PKP4: variants seen among roughly 807,000 people sequenced by gnomAD.
PKP4 encodes the protein plakophilin-4.
PKP4 carries 90 observed loss-of-function variants against 145.1 expected under a neutral mutation model. The ratio of observed to expected loss-of-function variants is 0.62; its 90% CI spans 0.52 to 0.74. The LOEUF (loss-of-function observed/expected upper bound fraction) is 0.74. PKP4 is among the 30% of genes least tolerant of loss of function. The probability of loss-of-function intolerance (pLI) is 0.00; values close to 1 mark genes in which losing one functional copy is unlikely to be tolerated. For missense variants in PKP4, 1,340 were observed against 1,482.7 expected, an observed-to-expected ratio of 0.90 and a Z score of 1.58; for synonymous variants, 563 against 577.2, an observed-to-expected ratio of 0.98 and a Z score of 0.35.
At chr2:158,680,396 TTTTA>T (rs1382632101) in intron 21 of PKP4, 29 bp from the exon 22 acceptor site, 11 of 1,536,380 alleles carry the variant, frequency 7.2e-6, no homozygotes, top group African/African-American at 2.8e-5. Context: ...AAAAAATTGC[TTTTA>T]TTTATTTGCC....
chr2:158,588,264 A>T (rs1316327560), intron 3 of PKP4: 1 of 152,178 alleles, frequency 6.6e-6, no homozygotes, highest in Admixed American at 6.5e-5. Flanking sequence ...GTAGCTCAAC[A>T]GTTGCCACCC....
chr2:158,601,781 G>C (rs1035093009), intron 3 of PKP4, among the ~76,000 whole-genome samples: 2 of 152,152 alleles, frequency 1.3e-5, no homozygotes, highest in African/African-American at 4.8e-5. Context: ...TTGAAGTTCA[G>C]GGAGTTTCTA....
chr2:158,582,319 G>A (rs922753787), intron 3 of PKP4, among the ~76,000 whole-genome samples: 2 of 152,168 alleles, frequency 1.3e-5, no homozygotes, highest in African/African-American at 4.8e-5. Context: ...TTCTGCATTT[G>A]TTCTGAATAT....
chr2:158,512,327 G>C (rs1042895231), intron 1 of PKP4, among the ~76,000 whole-genome samples: 1 of 152,218 alleles, frequency 6.6e-6, no homozygotes, highest in Non-Finnish European at 1.5e-5. Flanking sequence ...TTAAGGCATT[G>C]TTTTGGAAAA....
chr2:158,499,217 A>AT (rs928441515), intron 1 of PKP4, among the ~76,000 whole-genome samples: 4 of 151,912 alleles, frequency 2.6e-5, no homozygotes, highest in African/African-American at 7.3e-5. Flanking sequence ...TGACCCACTG[A>AT]TTTTTTTTAA....
chr2:158,484,207 C>G (rs899579619), intron 1 of PKP4, among the ~76,000 whole-genome samples: 1 of 151,922 alleles, frequency 6.6e-6, no homozygotes, highest in Non-Finnish European at 1.5e-5. Flanking sequence ...GCCACCGCGC[C>G]CGGCTAATTT....
In PKP4 at chr2:158,603,074, A is replaced by G. The variant is rs1187021559; in HGVS notation, c.250A>G (p.Thr84Ala). 5 of 1,494,092 alleles carry G rather than the reference A, an allele frequency of 3.3e-6. No homozygotes were observed. The highest frequency in any genetic ancestry group is 4.5e-6 in the Non-Finnish European group (5 of 1,104,174). 92.6% of individuals were successfully genotyped at this position (1,494,092 alleles called of 1,614,324 possible). A position where few individuals can be genotyped will look rare whatever the true frequency, so the allele number is the denominator to read the frequency against. Residue 84 changes from threonine to alanine, a missense_variant, in exon 4 of 22, where the codon ACT becomes GCT. By Grantham distance (58) the Thr-to-Ala change is moderately conservative (BLOSUM62 0). Coordinates refer to ENST00000389759, the MANE Select transcript of PKP4 (RefSeq NM_003628.6). ...TTTTTCTTTCTTTTTCTTTAGCTCA[A>G]CTGAGAAGTCATTTCCTTGGAGATC... Reference protein sequence around the residue: ...ESPSIASTSSTEKSFPWRSTD... With the variant: ...ESPSIASTSSAEKSFPWRSTD...
In PKP4 at chr2:158,634,093, A is replaced by G. The variant is rs1023095089; in HGVS notation, c.1366A>G (p.Thr456Ala). ...AGTAGGTATTGGAAATCTACAAAGG[A>G]CATCCAGCCAACGAAGTACCCTTAC... is the stretch of plus-strand genomic sequence containing the variant. ...GSVGIGNLQR[T>A]SSQRSTLTYQ... The change falls in exon 9 of 22, where the codon ACA becomes GCA. Residue 456 changes from threonine (T) to alanine (A), a missense_variant. By Grantham distance (58) the Thr-to-Ala change is moderately conservative. Coordinates refer to ENST00000389759, the MANE Select transcript of PKP4 (RefSeq NM_003628.6). The G allele has an allele frequency of 6.2e-7, 1 of 1,611,756 alleles. No individual in the cohort carries two copies. Among genetic ancestry groups the G allele is most frequent in the African/African-American group, 1.3e-5 (1 of 75,014 alleles).
At chr2:158,592,081 C>T (rs1273676933) in intron 3 of PKP4, among the ~76,000 whole-genome samples, 2 of 152,064 alleles carry the variant, frequency 1.3e-5, no homozygotes, top group Non-Finnish European at 2.9e-5. Context: ...TTTTAAGAGA[C>T]TTTACCCTGT....
At position 158,681,295 on chromosome 2, in the gene PKP4, G is replaced by A. The variant is rs1017153856; in HGVS notation, c.*618G>A. On this transcript the variant is annotated 3_prime_UTR_variant, in exon 22 of 22. Transcript: ENST00000389759. The stretch of plus-strand genomic sequence containing the variant: ...ACACCCTTTGTCTCCACCACACATA[G>A]TGTACTTTGGAAGCACAACGTCCAG... 2 of 152,862 alleles carry A rather than the reference G, an allele frequency of 1.3e-5. No individual in the cohort carries two copies. Among genetic ancestry groups the A allele is most frequent in the African/African-American group, 4.8e-5 (2 of 41,452 alleles). The allele number at this position is 152,862 out of a possible 1,614,324, so 9.5% of individuals were successfully genotyped here. A position where few individuals can be genotyped will look rare whatever the true frequency, so the allele number is the denominator to read the frequency against.
chr2:158,679,510 C>G (rs1026804379), intron 21 of PKP4: 1 of 152,140 alleles, frequency 6.6e-6, no homozygotes, highest in African/African-American at 2.4e-5. Flanking sequence ...CTCTGAAATC[C>G]TTATAATGTT....
chr2:158,553,831 C>T (rs2045841793), intron 2 of PKP4, among the ~76,000 whole-genome samples: 1 of 152,032 alleles, frequency 6.6e-6, no homozygotes, highest in South Asian at 2.1e-4. Context: ...AATTTTGCTC[C>T]AGGATGTATT....
intron 1 of PKP4, among the ~76,000 whole-genome samples, chr2:158,518,708 G>C (rs1440128680): frequency 6.6e-6 from 1 of 152,074 alleles, no homozygotes; most frequent in African/African-American, 2.4e-5. Flanking sequence ...GGGTGATTTT[G>C]GTTACAGAAC....
chr2:158,631,978 A>T (rs1168563063), intron 8 of PKP4, 37 bp downstream of exon 8: 4 of 1,576,468 alleles, frequency 2.5e-6, no homozygotes, highest in Non-Finnish European at 3.5e-6. Flanking sequence ...TCCTGATTTC[A>T]TAGGCCCCAC....
intron 1 of PKP4, among the ~76,000 whole-genome samples, chr2:158,484,887 A>G (rs1693945383): frequency 6.6e-6 from 1 of 152,240 alleles, no homozygotes; most frequent in Non-Finnish European, 1.5e-5. Flanking sequence ...TTCCAGTAGG[A>G]AAAGCTTTGC....
Position 158,676,725 on chromosome 2 carries a change from G to A in PKP4, c.3128-14G>A. 1.2e-6 allele frequency: 2 copies of A among 1,613,940 alleles called. No homozygotes were observed. The highest frequency in any genetic ancestry group is 2.2e-5 in the East Asian group (1 of 44,862). ...TCTACCCCTCTTTCTCTCCTCCTTT[G>A]CCTCTCCCTTCAGTCGGCAGCACCT... is the stretch of plus-strand genomic sequence containing the variant. On this transcript the variant is annotated splice_polypyrimidine_tract_variant and intron_variant, in intron 19 of 21. Coordinates refer to ENST00000389759, the MANE Select transcript of PKP4 (RefSeq NM_003628.6).
At chr2:158,639,623 T>G (rs1185673213) in intron 9 of PKP4, among the ~76,000 whole-genome samples, 3 of 152,164 alleles carry the variant, frequency 2.0e-5, no homozygotes, top group Non-Finnish European at 4.4e-5. Context: ...GCTTTTCACA[T>G]AATATAAGCA....
chr2:158,525,867 T>A (rs2042879001), intron 1 of PKP4, among the ~76,000 whole-genome samples: 1 of 148,970 alleles, frequency 6.7e-6, no homozygotes, highest in South Asian at 2.2e-4. Flanking sequence ...TCTACGCAAA[T>A]AAACTAGAAA....
rs367597873 is a variant in PKP4, at chr2:158,574,093, A to G, written c.133-3178A>G. Among the ~76,000 whole-genome samples, 20 of 152,368 alleles carry G rather than the reference A, an allele frequency of 1.3e-4. 2 individuals carry two copies. The highest frequency in any genetic ancestry group is 1.2e-3 in the South Asian group (6 of 4,834). On this transcript the variant is annotated intron_variant, in intron 2 of 21. Transcript: ENST00000389759. ...CTTAATTCTCTCTCAAAGAATATTT[A>G]TCAGTATACTTACTTGAGAGGAAGG...
Sources: allele counts gnomAD v4.1 joint callset (sites outside exome capture counted in the v4.1 genomes callset), GRCh38; gene constraint gnomAD v4.1.1; transcripts MANE v1.5; gene names NCBI Gene and HGNC (gene_info 2026-07-23, HGNC 2026-07-21).